The following RAB23 variants were observed in gnomAD, a reference collection of about 807,000 sequenced individuals.
The protein encoded by RAB23 is RAB23, member RAS oncogene family.
RAB23 carries 15 observed loss-of-function variants against 30.0 expected under a neutral mutation model. That is an observed-to-expected ratio of 0.50 (90% CI 0.33 to 0.77). The LOEUF (loss-of-function observed/expected upper bound fraction) is 0.77, where lower values mean the gene tolerates loss of function less well. RAB23 is among the 30% of genes least tolerant of loss of function. The pLI, the probability that RAB23 is intolerant of heterozygous loss-of-function variation, is 0.02. For synonymous variants in RAB23, 93 were observed against 94.0 expected (o/e 0.99, Z 0.06); for missense variants, 243 against 275.4 (o/e 0.88, Z 0.83).
chr6:57,216,749 C>G (rs1471795552), intron 1 of RAB23, among the ~76,000 whole-genome samples: 1 of 151,966 alleles, frequency 6.6e-6, no homozygotes, highest in African/African-American at 2.4e-5. Context: ...TTATTCTTGA[C>G]TTTTCTGGGA....
chr6:57,190,461 T>C lies in RAB23; in HGVS notation c.714A>G (p.Ter238=), dbSNP rs142290596. 2.5e-6 allele frequency: 4 copies of C among 1,613,928 alleles called. No individual in the cohort carries two copies. The highest frequency in any genetic ancestry group is 3.4e-6 in the Non-Finnish European group (4 of 1,179,932). The change falls in exon 7 of 7, where the codon TAA becomes TAG. Residue 238 remains the stop codon, a stop_retained_variant. Transcript: ENST00000468148. ...RNPFSSCSIP[*] is the part of the protein sequence containing the mutation. ...TCAATTGTTTTCCTCCCAAAACATC[T>C]TAGGGTATGCTACAGCTGCTAAAAG...
At chr6:57,214,586 G>A (rs978975198) in intron 1 of RAB23, among the ~76,000 whole-genome samples, 6 of 152,136 alleles carry the variant, frequency 3.9e-5, no homozygotes, top group African/African-American at 9.7e-5. Flanking sequence ...TTACAGGCAC[G>A]AGCCACTGCG....
intron 3 of RAB23, among the ~76,000 whole-genome samples, chr6:57,204,439 C>G (rs1765381467): frequency 6.6e-6 from 1 of 152,114 alleles, no homozygotes; most frequent in Non-Finnish European, 1.5e-5. Flanking sequence ...AGAAGAATTT[C>G]CATTGTATAC....
chr6:57,214,459 C>T (rs1765764937), intron 1 of RAB23, among the ~76,000 whole-genome samples: 1 of 152,132 alleles, frequency 6.6e-6, no homozygotes, highest in South Asian at 2.1e-4. Context: ...CACACCACCA[C>T]GCCTGGCTAG....
chr6:57,213,256 G>C (rs1357547917), intron 1 of RAB23, among the ~76,000 whole-genome samples: 1 of 152,160 alleles, frequency 6.6e-6, no homozygotes, highest in Non-Finnish European at 1.5e-5. Flanking sequence ...ACCTCCTGCT[G>C]TGTGGCCCAG....
intron 5 of RAB23, among the ~76,000 whole-genome samples, chr6:57,194,238 GA>G (rs1355482162): frequency 1.3e-5 from 2 of 151,892 alleles, no homozygotes; most frequent in Admixed American, 6.6e-5. Flanking sequence ...ACTCACTCTT[GA>G]AAAGATGTCT....
At chr6:57,197,526 C>T (rs1765070062) in intron 3 of RAB23, among the ~76,000 whole-genome samples, 3 of 152,290 alleles carry the variant, frequency 2.0e-5, no homozygotes, top group South Asian at 4.1e-4. Context: ...TCCTTCCTTA[C>T]ACATCCCTCT....
At chr6:57,210,086 AACC>A in intron 2 of RAB23, 137 bp downstream of exon 2, 1 of 840,744 alleles carries the variant, frequency 1.2e-6, no homozygotes, top group Non-Finnish European at 1.9e-6. Flanking sequence ...ATGTCATGAA[AACC>A]ACCATCACTG....
At chr6:57,196,819 T>A (rs530127479) in intron 3 of RAB23, among the ~76,000 whole-genome samples, 1 of 152,362 alleles carries the variant, frequency 6.6e-6, no homozygotes, top group Admixed American at 6.5e-5. Context: ...TTTGCACTAC[T>A]CTTCTTTACT....
rs1764798026 is a variant in RAB23, at chr6:57,190,519, G to C, written c.656C>G (p.Pro219Arg). The C allele has an allele frequency of 6.2e-7, 1 of 1,613,770 alleles. No homozygotes were observed. The highest frequency in any genetic ancestry group is 8.5e-7 in the Non-Finnish European group (1 of 1,179,890). The change falls in exon 7 of 7, where the codon CCC becomes CGC. Residue 219 changes from proline to arginine, a missense_variant. Physicochemically the swap from Pro to Arg is moderately radical, Grantham distance 103. Coordinates refer to ENST00000468148, the MANE Select transcript of RAB23 (RefSeq NM_016277.5). ...LNGGDVINLR[P>R]NKQRTKKNRN... ...GTTTTTCTTGGTCCTTTGTTTGTTG[G>C]GTCTAAGATTGATGACATCTCCACC...
chr6:57,194,049 G>A (rs1016023214), intron 5 of RAB23, 115 bp from the exon 6 acceptor site: 52 of 1,442,794 alleles, frequency 3.6e-5, no homozygotes, highest in Admixed American at 1.4e-4. Context: ...TTACAATTAG[G>A]AGCATACAAT....
At chr6:57,211,418 C>A (rs1299361108) in intron 1 of RAB23, among the ~76,000 whole-genome samples, 1 of 152,028 alleles carries the variant, frequency 6.6e-6, no homozygotes, top group Non-Finnish European at 1.5e-5. Flanking sequence ...TATGGTCACG[C>A]CACTGTACTC....
In RAB23 at chr6:57,208,626, CAAAAAA is replaced by C. The variant is rs1168854982; in HGVS notation, c.156-919_156-914del. On this transcript the variant is annotated intron_variant, in intron 2 of 6. Coordinates refer to ENST00000468148, the MANE Select transcript of RAB23 (RefSeq NM_016277.5). Reference sequence around the variant, plus strand: ...TGGGAGACAGAGTGAGACTCTGTCTCAAAAAAAAAAAAAAAAAAAAAAAGCGATTTA... The same window carrying C: ...TGGGAGACAGAGTGAGACTCTGTCTCAAAAAAAAAAAAAAAAAGCGATTTA... 1.5e-4 allele frequency among the ~76,000 whole-genome samples: 7 copies of C among 46,918 alleles called. No homozygotes were observed. The South Asian group carries it at 3.6e-3, about 24-fold the overall frequency. The allele number at this position is 46,918 out of a possible 152,430, so 30.8% of individuals were successfully genotyped here. A position where few individuals can be genotyped will look rare whatever the true frequency, so the allele number is the denominator to read the frequency against.
Position 57,187,690 on chromosome 6 carries a change from AG to A in RAB23, c.*2770del, listed in dbSNP as rs1764654618. The A allele has an allele frequency of 6.6e-6, 1 of 152,188 alleles. No individual in the cohort carries two copies. Among genetic ancestry groups the A allele is most frequent in the African/African-American group, 2.4e-5 (1 of 41,452 alleles). 9.4% of individuals were successfully genotyped at this position (152,188 alleles called of 1,614,324 possible). A position where few individuals can be genotyped will look rare whatever the true frequency, so the allele number is the denominator to read the frequency against. ...GTCCTAAGGCCAACTCCCTATTCTA[AG>A]GTCTTCAGAAAAGGTCCAGTTTCCT... is the stretch of plus-strand genomic sequence containing the variant. On this transcript the variant is annotated 3_prime_UTR_variant, in exon 7 of 7. Transcript: ENST00000468148.
At chr6:57,195,005 A>G (rs1056282735) in intron 4 of RAB23, among the ~76,000 whole-genome samples, 153 bp from the exon 5 acceptor site, 2 of 152,182 alleles carry the variant, frequency 1.3e-5, no homozygotes, top group African/African-American at 4.8e-5. Flanking sequence ...ATTTCTTTTT[A>G]AAAGAGCTTG....
In RAB23 at chr6:57,190,452, C is replaced by T. The variant is rs1231318310; in HGVS notation, c.*9G>A. On this transcript the variant is annotated 3_prime_UTR_variant, in exon 7 of 7. Coordinates refer to ENST00000468148, the MANE Select transcript of RAB23 (RefSeq NM_016277.5). ...CAATGTAATTCAATTGTTTTCCTCC[C>T]AAAACATCTTAGGGTATGCTACAGC... 6.2e-7 allele frequency: 1 copy of T among 1,613,788 alleles called. No individual in the cohort carries two copies. The highest frequency in any genetic ancestry group is 1.7e-5 in the Admixed American group (1 of 60,008).
chr6:57,195,335 A>G (rs1212681027), intron 4 of RAB23, among the ~76,000 whole-genome samples: 1 of 152,200 alleles, frequency 6.6e-6, no homozygotes, highest in Non-Finnish European at 1.5e-5. Context: ...CAAAGTCAGT[A>G]TATTAATGAC....
At chr6:57,211,105 A>G (rs1765636325) in intron 1 of RAB23, among the ~76,000 whole-genome samples, 1 of 152,210 alleles carries the variant, frequency 6.6e-6, no homozygotes, top group Non-Finnish European at 1.5e-5. Flanking sequence ...TATGAGACAT[A>G]AATGAATTTC....
chr6:57,205,802 T>C (rs536327786), intron 3 of RAB23, among the ~76,000 whole-genome samples: 1 of 152,322 alleles, frequency 6.6e-6, no homozygotes, highest in East Asian at 1.9e-4. Context: ...CCTGTGTATA[T>C]GATGCTGAAG....
Sources: gnomAD v4.1 joint callset for allele counts (sites outside exome capture counted in the v4.1 genomes callset) on GRCh38, gnomAD v4.1.1 for gene constraint, MANE v1.5 for transcripts, NCBI Gene and HGNC (gene_info 2026-07-23, HGNC 2026-07-21) for gene names.